Variants in RPL14 observed in about 807,000 individuals in gnomAD.
The protein encoded by RPL14 is ribosomal protein L14.
RPL14 carries 4 observed loss-of-function variants against 25.3 expected under a neutral mutation model. The observed-to-expected ratio is 0.16, with a 90% CI of 0.08 to 0.36. The LOEUF (loss-of-function observed/expected upper bound fraction) is 0.36. Ranked by LOEUF, RPL14 falls within the 10% of genes least tolerant of loss-of-function variation. The pLI, the probability that RPL14 is intolerant of heterozygous loss-of-function variation, is 1.00. For synonymous variants in RPL14, 75 were observed against 89.8 expected (o/e 0.84, Z 0.93); for missense variants, 212 against 261.9 (o/e 0.81, Z 1.31).
intron 2 of RPL14, 142 bp downstream of exon 2, chr3:40,458,133 A>C: frequency 4.3e-6 from 3 of 698,354 alleles, no homozygotes. Flanking sequence ...AGGTAATGGT[A>C]CGGGTTTTAA....
At chr3:40,458,067 G>C (rs1053994988) in intron 2 of RPL14, 76 bp downstream of exon 2, 2 of 1,246,466 alleles carry the variant, frequency 1.6e-6, no homozygotes, top group African/African-American at 3.0e-5. Context: ...TTGTCTCGAT[G>C]GCTGTGTAAG....
rs1696967162 is a variant in RPL14 at position 40,462,804 on chromosome 3, T to A, written c.*572T>A. The A allele has an allele frequency of 6.6e-6, 1 of 152,238 alleles. No individual in the cohort carries two copies. 9.4% of individuals were successfully genotyped at this position (152,238 alleles called of 1,614,324 possible). On this transcript the variant is annotated 3_prime_UTR_variant, in exon 6 of 6. Coordinates refer to ENST00000396203, the MANE Select transcript of RPL14 (RefSeq NM_001034996.3). ...AGAACACCAAGTGACACAAGTGACA[T>A]TTTTTTCTTATGGTCACCTTGGCTT...
At chr3:40,458,248 C>T (rs1457868394) in intron 2 of RPL14, 4 of 557,594 alleles carry the variant, frequency 7.2e-6, no homozygotes, top group Non-Finnish European at 1.3e-5. Context: ...AGTTACTATA[C>T]GTAAAGTGAG....
chr3:40,459,308 T>C (rs1696894429), intron 3 of RPL14, among the ~76,000 whole-genome samples: 1 of 152,230 alleles, frequency 6.6e-6, no homozygotes. Context: ...TAGCTTAAAG[T>C]AAACAACAAT....
In RPL14 at chr3:40,464,557, G is replaced by T. The variant is rs149977818; in HGVS notation, c.*2325G>T. 2.2e-6 allele frequency: 1 copy of T among 455,494 alleles called. No individual in the cohort carries two copies. The highest frequency in any genetic ancestry group is 2.0e-5 in the African/African-American group (1 of 50,066). The allele number at this position is 455,494 out of a possible 1,614,324, so 28.2% of individuals were successfully genotyped here. A position where few individuals can be genotyped will look rare whatever the true frequency, so the allele number is the denominator to read the frequency against. Reference sequence around the variant, plus strand: ...GCTCGGGACCACATCAAGGAAGTAGGTTAGTGGTTAGATCGTGTAGGGGAA... The same window carrying T: ...GCTCGGGACCACATCAAGGAAGTAGTTTAGTGGTTAGATCGTGTAGGGGAA... On this transcript the variant is annotated 3_prime_UTR_variant, in exon 6 of 6. Coordinates refer to ENST00000396203, the MANE Select transcript of RPL14 (RefSeq NM_001034996.3).
intron 3 of RPL14, 110 bp downstream of exon 3, chr3:40,458,846 A>G (rs747948045): frequency 1.0e-4 from 83 of 797,080 alleles, no homozygotes; most frequent in Non-Finnish European, 1.6e-4. Context: ...CTGAAGAGGG[A>G]TTTGCATCAT....
intron 2 of RPL14, 100 bp downstream of exon 2, chr3:40,458,091 G>A (rs1696872043): frequency 3.0e-6 from 3 of 986,980 alleles, no homozygotes; most frequent in Non-Finnish European, 4.8e-6. Flanking sequence ...AGGATGCTAT[G>A]GGTAGTCGCT....
In RPL14 at chr3:40,462,541, TA is replaced by T. The variant is rs1559529545; in HGVS notation, c.*311del. The T allele has an allele frequency of 4.7e-6, 1 of 210,878 alleles. No homozygotes were observed. The highest frequency in any genetic ancestry group is 9.4e-6 in the Non-Finnish European group (1 of 106,088). The allele number at this position is 210,878 out of a possible 1,614,324, so 13.1% of individuals were successfully genotyped here. ...ACAGGTGCCCGCCACCGCGCCTGGC[TA>T]ATTTTTTGTATTTTTAGTAGAGACG... On this transcript the variant is annotated 3_prime_UTR_variant, in exon 6 of 6. Coordinates refer to ENST00000396203, the MANE Select transcript of RPL14 (RefSeq NM_001034996.3).
Position 40,466,430 on chromosome 3 carries a change from C to G in RPL14, c.*4198C>G, listed in dbSNP as rs888450072. 8 of 149,050 alleles carry G rather than the reference C, an allele frequency of 5.4e-5. No individual in the cohort carries two copies. The highest frequency in any genetic ancestry group is 2.0e-4 in the Admixed American group (3 of 14,680). The allele number at this position is 149,050 out of a possible 1,614,324, so 9.2% of individuals were successfully genotyped here. A position where few individuals can be genotyped will look rare whatever the true frequency, so the allele number is the denominator to read the frequency against. On this transcript the variant is annotated 3_prime_UTR_variant, in exon 6 of 6. Coordinates refer to ENST00000396203, the MANE Select transcript of RPL14 (RefSeq NM_001034996.3). ...GCACGGTGGCTCATGCCTTTAATCC[C>G]AGCACTTTGGGAGGCTGAGGCAGGT...
chr3:40,462,202 T>G lies in RPL14; in HGVS notation c.618T>G (p.Pro206=), dbSNP rs139608139. The change falls in exon 6 of 6, where the codon CCT becomes CCG. Residue 206 remains proline, a synonymous_variant. Coordinates refer to ENST00000396203, the MANE Select transcript of RPL14 (RefSeq NM_001034996.3). Reference sequence around the variant, plus strand: ...AAAAAGCTCCAGCCCAGAAAGCACCTGCTCCAAAGGCATCTGGCAAGAAAG... The same window carrying G: ...AAAAAGCTCCAGCCCAGAAAGCACCGGCTCCAAAGGCATCTGGCAAGAAAG... The part of the protein sequence containing the change: ...KGQKAPAQKA[P]APKASGKKA 57 of 1,603,658 alleles carry G rather than the reference T, an allele frequency of 3.6e-5. No individual in the cohort carries two copies. The highest frequency in any genetic ancestry group is 4.6e-5 in the Non-Finnish European group (54 of 1,177,224).
chr3:40,464,340 A>G lies in RPL14; in HGVS notation c.*2108A>G. The stretch of plus-strand genomic sequence containing the variant: ...CTGGGGTAAAGGAAAAAGCACATTG[A>G]TTTGCTTGATAATAGGCAAGTGGTA... On this transcript the variant is annotated 3_prime_UTR_variant, in exon 6 of 6. Transcript: ENST00000396203. 1 of 387,478 alleles carries G rather than the reference A, an allele frequency of 2.6e-6. No individual in the cohort carries two copies. The highest frequency in any genetic ancestry group is 5.2e-6 in the Non-Finnish European group (1 of 192,722). 24.0% of individuals were successfully genotyped at this position (387,478 alleles called of 1,614,324 possible).
chr3:40,459,598 A>G (rs922946995), intron 3 of RPL14, among the ~76,000 whole-genome samples: 2 of 152,086 alleles, frequency 1.3e-5, no homozygotes, highest in African/African-American at 2.4e-5. Flanking sequence ...GCTCACGCCT[A>G]TAATCCCAGC....
Position 40,461,614 on chromosome 3 carries a change from A to G in RPL14, c.307A>G (p.Lys103Glu), listed in dbSNP as rs1477209695. The change falls in exon 5 of 6, where the codon AAG (lysine) becomes GAG (glutamate). Residue 103 changes from lysine (K) to glutamate (E), a missense_variant. Lys to Glu is a moderately conservative substitution (Grantham distance 56, BLOSUM62 1). Transcript: ENST00000396203. ...GTTGTTTTTTTTTTAACAGAAAGCC[A>G]AGATGACAGATTTTGATCGTTTTAA... ...KKIEARERKA[K>E]MTDFDRFKVM... 4.6e-5 allele frequency: 74 copies of G among 1,607,874 alleles called. No individual in the cohort carries two copies. Among genetic ancestry groups the G allele is most frequent in the Non-Finnish European group, 6.1e-5 (72 of 1,177,974 alleles).
chr3:40,468,065 G>C lies in RPL14; in HGVS notation c.*5833G>C, dbSNP rs1470735582. On this transcript the variant is annotated 3_prime_UTR_variant, in exon 6 of 6. Coordinates refer to ENST00000396203, the MANE Select transcript of RPL14 (RefSeq NM_001034996.3). Reference sequence around the variant, plus strand: ...ATGGGCATTTGAATGGGTAGACTGAGTGATCCTGACCTCGTGATCCACTCC... The same window carrying C: ...ATGGGCATTTGAATGGGTAGACTGACTGATCCTGACCTCGTGATCCACTCC... 3.3e-5 allele frequency: 5 copies of C among 152,246 alleles called. No individual in the cohort carries two copies. Among genetic ancestry groups the C allele is most frequent in the African/African-American group, 9.7e-5 (4 of 41,448 alleles). The allele number at this position is 152,246 out of a possible 1,614,324, so 9.4% of individuals were successfully genotyped here. A position where few individuals can be genotyped will look rare whatever the true frequency, so the allele number is the denominator to read the frequency against.
rs942047946 is a variant in RPL14 at position 40,458,446 on chromosome 3, G to A, written c.106-196G>A. 9 of 587,760 alleles carry A rather than the reference G, an allele frequency of 1.5e-5. No homozygotes were observed. In the East Asian group the frequency reaches 2.6e-4, roughly 17 times the overall value. The allele number at this position is 587,760 out of a possible 1,614,324, so 36.4% of individuals were successfully genotyped here. A position where few individuals can be genotyped will look rare whatever the true frequency, so the allele number is the denominator to read the frequency against. On this transcript the variant is annotated intron_variant, in intron 2 of 5. Coordinates refer to ENST00000396203, the MANE Select transcript of RPL14 (RefSeq NM_001034996.3). ...TTTAAGAAGGAGCATTTAATGATGT[G>A]GAGAAATGTTTGTGTTGAGCAAAAG...
chr3:40,459,389 TTAATA>T (rs1362197339), intron 3 of RPL14, among the ~76,000 whole-genome samples: 2 of 152,208 alleles, frequency 1.3e-5, no homozygotes, highest in East Asian at 1.9e-4. Flanking sequence ...TACACAGTAT[TTAATA>T]TAAGAGGTTT....
chr3:40,458,026 GGACAT>G, intron 2 of RPL14, 35 bp downstream of exon 2: 1 of 1,525,518 alleles, frequency 6.6e-7, no homozygotes, highest in East Asian at 2.2e-5. Flanking sequence ...ACATGGCAGT[GGACAT>G]GTGCCCTGCA....
rs1450347803 is a variant in RPL14 at position 40,463,228 on chromosome 3, C to T, written c.*996C>T. ...TTGGCCTTTTTTTGTTTTTTTGAGA[C>T]AGAGTCTTGATCTTATCACCCAGGC... On this transcript the variant is annotated 3_prime_UTR_variant, in exon 6 of 6. Transcript: ENST00000396203. 5 of 151,442 alleles carry T rather than the reference C, an allele frequency of 3.3e-5. No individual in the cohort carries two copies. Among genetic ancestry groups the T allele is most frequent in the Admixed American group, 1.3e-4 (2 of 15,206 alleles). The allele number at this position is 151,442 out of a possible 1,614,324, so 9.4% of individuals were successfully genotyped here.
chr3:40,460,702 C>T (rs1696924393), intron 3 of RPL14, among the ~76,000 whole-genome samples: 2 of 151,636 alleles, frequency 1.3e-5, no homozygotes, highest in Admixed American at 6.6e-5. Flanking sequence ...CAACCTCAGG[C>T]TCCCAAGTAG....
Sources: gnomAD v4.1 joint callset for allele counts (sites outside exome capture counted in the v4.1 genomes callset) on GRCh38, gnomAD v4.1.1 for gene constraint, MANE v1.5 for transcripts, NCBI Gene and HGNC (gene_info 2026-07-23, HGNC 2026-07-21) for gene names.